Variants in VPS13B observed in about 807,000 individuals in gnomAD.
The protein encoded by VPS13B is vacuolar protein sorting 13 homolog B, also known as intermembrane lipid transfer protein VPS13B.
In VPS13B, 285 loss-of-function variants were observed where a neutral mutation model predicts 426.4. The ratio of observed to expected loss-of-function variants is 0.67; its 90% CI spans 0.61 to 0.74. VPS13B has a LOEUF of 0.74. Ranked by LOEUF, VPS13B falls within the 30% of genes least tolerant of loss-of-function variation. The pLI, the probability that VPS13B is intolerant of heterozygous loss-of-function variation, is 0.00. For missense variants in VPS13B, 4,537 were observed against 4,782.6 expected (o/e 0.95, Z 1.51); for synonymous variants, 1,676 against 1,676.4 (o/e 1.00, Z 0.01).
intron 57 of VPS13B, among the ~76,000 whole-genome samples, chr8:99,860,435 C>T (rs978535508): frequency 1.3e-5 from 2 of 152,236 alleles, no homozygotes; most frequent in African/African-American, 2.4e-5. Flanking sequence ...ACTCTTGACA[C>T]TGGAATCTCT....
At position 99,481,737 on chromosome 8, in the gene VPS13B, A is replaced by G. The variant is rs778799166; in HGVS notation, c.3805A>G (p.Ile1269Val). Reference protein sequence around the residue: ...PVPTSPVRSSIGTAPPDTSTC... With the variant: ...PVPTSPVRSSVGTAPPDTSTC... ...TCCTACTTCTCCAGTTAGAAGCAGT[A>G]TAGGCACAGCTCCTCCAGATACCAG... Residue 1269 changes from isoleucine (I) to valine (V), a missense_variant, in exon 25 of 62, where the codon ATA (isoleucine) becomes GTA (valine). Around this residue, in one of 2 missense-constraint regions of VPS13B, gnomAD observed 4,311 missense variants for 4,474.3 expected, o/e 0.96. Transcript: ENST00000357162. 3.7e-6 allele frequency: 6 copies of G among 1,613,896 alleles called. No homozygotes were observed. The highest frequency in any genetic ancestry group is 2.2e-5 in the South Asian group (2 of 91,086).
At chr8:99,061,072 A>G (rs893191139) in intron 3 of VPS13B, among the ~76,000 whole-genome samples, 2 of 152,138 alleles carry the variant, frequency 1.3e-5, no homozygotes, top group African/African-American at 4.8e-5. Context: ...TTAGTTTGAA[A>G]CTTTGAAGTT....
chr8:99,297,657 A>G (rs1326296427), intron 19 of VPS13B, among the ~76,000 whole-genome samples: 1 of 152,230 alleles, frequency 6.6e-6, no homozygotes, highest in Non-Finnish European at 1.5e-5. Context: ...GCAATCTGAA[A>G]CTATGTGCTA....
At chr8:99,691,028 C>T (rs903704962) in intron 35 of VPS13B, among the ~76,000 whole-genome samples, 3 of 152,024 alleles carry the variant, frequency 2.0e-5, no homozygotes, top group African/African-American at 7.2e-5. Context: ...TGTTCAGCCA[C>T]AAAATGGAAT....
chr8:99,142,711 T>C (rs1356372002), intron 12 of VPS13B, among the ~76,000 whole-genome samples: 2 of 152,188 alleles, frequency 1.3e-5, no homozygotes, highest in South Asian at 2.1e-4. Flanking sequence ...TGCAGAATAA[T>C]TTTCTAAGAA....
At chr8:99,485,322 T>C (rs1429368596) in intron 25 of VPS13B, among the ~76,000 whole-genome samples, 1 of 152,214 alleles carries the variant, frequency 6.6e-6, no homozygotes, top group East Asian at 1.9e-4. Context: ...ATTATTTCAG[T>C]GTAACAATGT....
intron 39 of VPS13B, among the ~76,000 whole-genome samples, chr8:99,738,575 A>G (rs1287507133): frequency 1.3e-5 from 2 of 152,242 alleles, no homozygotes; most frequent in East Asian, 3.8e-4. Flanking sequence ...ATGGTCTTGA[A>G]GAATCAACGT....
chr8:99,442,464 G>A lies in VPS13B; in HGVS notation c.3274G>A (p.Val1092Ile). The stretch of plus-strand genomic sequence containing the variant: ...TAGCCTGCCTTCCCCAAGTACAATT[G>A]TATCTGGTGACATTCCTGGAACAGT... ...NDSLPSPSTIVSGDIPGTVRS... is the reference protein window; with the variant it reads ...NDSLPSPSTIISGDIPGTVRS... Residue 1092 changes from valine to isoleucine, a missense_variant, in exon 23 of 62, where the codon GTA (valine) becomes ATA (isoleucine). Around this residue, in one of 2 missense-constraint regions of VPS13B, gnomAD observed 4,311 missense variants for 4,474.3 expected, o/e 0.96. Transcript: ENST00000357162. 1 of 1,613,896 alleles carries A rather than the reference G, an allele frequency of 6.2e-7. No individual in the cohort carries two copies. Among genetic ancestry groups the A allele is most frequent in the Non-Finnish European group, 8.5e-7 (1 of 1,179,894 alleles).
chr8:99,719,224 A>G (rs1833040505), intron 37 of VPS13B, among the ~76,000 whole-genome samples: 4 of 152,352 alleles, frequency 2.6e-5, no homozygotes, highest in East Asian at 3.9e-4. Context: ...CTTAAAAATA[A>G]AAAGTAAGAA....
At chr8:99,826,566 TC>T (rs1329740437) in intron 51 of VPS13B, among the ~76,000 whole-genome samples, 2 of 152,198 alleles carry the variant, frequency 1.3e-5, no homozygotes, top group African/African-American at 4.8e-5. Context: ...TTTATTTCTT[TC>T]TTTTGCCTGA....
In VPS13B at chr8:99,570,957, T is replaced by G. The variant is rs545574193; in HGVS notation, c.4950-4701T>G. 2.4e-4 allele frequency among the ~76,000 whole-genome samples: 36 copies of G among 152,292 alleles called. No individual in the cohort carries two copies. The South Asian group carries it at 7.0e-3, about 30-fold the overall frequency. On this transcript the variant is annotated intron_variant, in intron 31 of 61. Transcript: ENST00000357162. Reference sequence around the variant, plus strand: ...TACATGTAGGATATTTCTCATTATTTTTAATTTTCCAGGGAGATATTTGTT... The same window carrying G: ...TACATGTAGGATATTTCTCATTATTGTTAATTTTCCAGGGAGATATTTGTT...
chr8:99,348,305 C>T, intron 19 of VPS13B: 1 of 152,188 alleles, frequency 6.6e-6, no homozygotes, highest in East Asian at 1.9e-4. Flanking sequence ...AGTATGCCTG[C>T]CATAAGAGTT....
At chr8:99,640,350 C>T (rs949014907) in intron 33 of VPS13B, among the ~76,000 whole-genome samples, 18 of 151,892 alleles carry the variant, frequency 1.2e-4, no homozygotes, top group African/African-American at 3.1e-4. Flanking sequence ...GATCTCGGTT[C>T]GCTGCAAACA....
At chr8:99,208,129 C>G (rs1285338303) in intron 17 of VPS13B, among the ~76,000 whole-genome samples, 1 of 152,134 alleles carries the variant, frequency 6.6e-6, no homozygotes, top group Non-Finnish European at 1.5e-5. Flanking sequence ...CAGTAGCTGG[C>G]GTGTCACATC....
At chr8:99,117,152 A>G (rs1847700868) in intron 7 of VPS13B, among the ~76,000 whole-genome samples, 1 of 152,242 alleles carries the variant, frequency 6.6e-6, no homozygotes, top group Non-Finnish European at 1.5e-5. Flanking sequence ...TTTAAAACTT[A>G]GGGGCAAATA....
At chr8:99,874,046 G>A (rs965365865) in intron 61 of VPS13B, among the ~76,000 whole-genome samples, 1 of 152,174 alleles carries the variant, frequency 6.6e-6, no homozygotes, top group Admixed American at 6.5e-5. Flanking sequence ...TTTTAAGTCA[G>A]CATTTGCTTT....
chr8:99,810,188 G>A lies in VPS13B; in HGVS notation c.8097+658G>A, dbSNP rs1033488617. 3.9e-5 allele frequency among the ~76,000 whole-genome samples: 6 copies of A among 152,316 alleles called. No homozygotes were observed. In the South Asian group the frequency reaches 6.2e-4, roughly 16 times the overall value. ...CACTTTCTTTTTGTTCTTAAGATGT[G>A]AAAATGTGGTTTCTAAAAGATGTTT... On this transcript the variant is annotated intron_variant, in intron 44 of 61. Transcript: ENST00000357162.
At chr8:99,532,874 G>GT (rs936165197) in intron 30 of VPS13B, among the ~76,000 whole-genome samples, 6 of 148,214 alleles carry the variant, frequency 4.0e-5, no homozygotes, top group South Asian at 2.2e-4. Context: ...CTTAGCAGAA[G>GT]TTTTTTTAAA....
chr8:99,500,029 T>A (rs1248860749), intron 25 of VPS13B, among the ~76,000 whole-genome samples: 1 of 152,150 alleles, frequency 6.6e-6, no homozygotes, highest in East Asian at 1.9e-4. Flanking sequence ...TTAGATGGCA[T>A]GTCTGTGGTA....
Sources: allele counts gnomAD v4.1 joint callset (sites outside exome capture counted in the v4.1 genomes callset), GRCh38; gene constraint gnomAD v4.1.1; regional missense constraint gnomAD v4.1.1; transcripts MANE v1.5; gene names NCBI Gene and HGNC (gene_info 2026-07-23, HGNC 2026-07-21).